PID1: variants seen among roughly 807,000 people sequenced by gnomAD.
PID1 encodes PTB-containing, cubilin and LRP1-interacting protein.
In PID1, 10 loss-of-function variants were observed where a neutral mutation model predicts 19.1. That is an observed-to-expected ratio of 0.52 (90% confidence interval 0.32 to 0.89). The LOEUF is 0.89. Among genes scored for constraint, PID1 ranks in the 40% least tolerant of loss-of-function variants. The pLI is 0.03. For missense variants in PID1, 248 were observed against 285.3 expected, an observed-to-expected ratio of 0.87 and a Z score of 0.94; for synonymous variants, 130 against 116.0, an observed-to-expected ratio of 1.12 and a Z score of -0.78.
At chr2:229,207,030 T>A (rs919440380) in intron 1 of PID1, among the ~76,000 whole-genome samples, 1 of 152,184 alleles carries the variant, frequency 6.6e-6, no homozygotes, top group Non-Finnish European at 1.5e-5. Flanking sequence ...TAAGTTTTGA[T>A]TATGGCTTCG....
intron 1 of PID1, among the ~76,000 whole-genome samples, chr2:229,161,289 T>G (rs148303370): frequency 2.6e-5 from 4 of 152,102 alleles, no homozygotes; most frequent in Admixed American, 6.5e-5. Context: ...AAGACAGAGA[T>G]AGACAGAGAA....
At chr2:229,190,611 G>T (rs1209920442) in intron 1 of PID1, among the ~76,000 whole-genome samples, 1 of 152,250 alleles carries the variant, frequency 6.6e-6, no homozygotes, top group Non-Finnish European at 1.5e-5. Flanking sequence ...GCAGGAGAAA[G>T]ACTGAGAATC....
intron 2 of PID1, among the ~76,000 whole-genome samples, chr2:229,138,043 G>T (rs1689891171): frequency 6.6e-6 from 1 of 152,120 alleles, no homozygotes; most frequent in African/African-American, 2.4e-5. Flanking sequence ...AGAAAACACT[G>T]GACCCTTAGC....
At chr2:229,116,966 C>T (rs746306852) in intron 2 of PID1, among the ~76,000 whole-genome samples, 4 of 152,132 alleles carry the variant, frequency 2.6e-5, no homozygotes, top group Non-Finnish European at 4.4e-5. Context: ...CTTAAGAAGC[C>T]AAACAACTGT....
intron 2 of PID1, among the ~76,000 whole-genome samples, chr2:229,125,583 A>G (rs1166307160): frequency 6.6e-6 from 1 of 152,170 alleles, no homozygotes; most frequent in Non-Finnish European, 1.5e-5. Flanking sequence ...TTCAGATTAC[A>G]GAGTTTACTA....
At chr2:229,140,034 G>A (rs1413947435) in intron 2 of PID1, among the ~76,000 whole-genome samples, 4 of 152,028 alleles carry the variant, frequency 2.6e-5, no homozygotes, top group African/African-American at 9.7e-5. Context: ...ATGCTTTTCT[G>A]CAAAGCCAAG....
At chr2:229,184,234 GTATA>G (rs1420977134) in intron 1 of PID1, among the ~76,000 whole-genome samples, 4 of 256 alleles carry the variant, frequency 0.016, 2 homozygotes, top group Non-Finnish European at 0.037. Flanking sequence ...TATATCCCAT[GTATA>G]TATATCCCAT....
chr2:229,163,686 T>TGC (rs139467763), intron 1 of PID1, among the ~76,000 whole-genome samples: 46,905 of 124,782 alleles, frequency 0.38, 8,083 homozygotes, highest in East Asian at 0.73. Context: ...CGTGTGCGTG[T>TGC]GTGTGTGTGT....
intron 1 of PID1, among the ~76,000 whole-genome samples, chr2:229,255,176 C>T (rs990861504): frequency 2.6e-5 from 4 of 152,198 alleles, no homozygotes; most frequent in African/African-American, 9.7e-5. Context: ...GGAATGCACA[C>T]AGCATCCGTG....
intron 2 of PID1, among the ~76,000 whole-genome samples, chr2:229,145,467 C>CT (rs1293153546): frequency 6.6e-6 from 1 of 151,588 alleles, no homozygotes; most frequent in African/African-American, 2.4e-5. Flanking sequence ...AATAATTAAC[C>CT]TTTTTTCTAG....
intron 1 of PID1, among the ~76,000 whole-genome samples, chr2:229,242,444 G>T (rs200772660): frequency 6.6e-6 from 1 of 151,890 alleles, no homozygotes; most frequent in Non-Finnish European, 1.5e-5. Flanking sequence ...ATGCTGCTTC[G>T]ACTGGTAAAA....
chr2:229,068,456 G>A (rs1269525634), intron 2 of PID1, among the ~76,000 whole-genome samples: 2 of 151,632 alleles, frequency 1.3e-5, no homozygotes, highest in African/African-American at 4.9e-5. Flanking sequence ...AAAAAAAAAG[G>A]ATTTCCTCTG....
At chr2:229,233,983 C>T (rs370241552) in intron 1 of PID1, among the ~76,000 whole-genome samples, 7 of 152,218 alleles carry the variant, frequency 4.6e-5, no homozygotes, top group African/African-American at 1.7e-4. Context: ...AAGGCTAAGA[C>T]GTACAGAAAA....
In PID1 at chr2:229,025,502, C is replaced by G. The variant is rs944309134; in HGVS notation, c.*130G>C. On this transcript the variant is annotated 3_prime_UTR_variant, in exon 3 of 3. Transcript: ENST00000392055. ...TTTCTTTAGATTTAGAATTGCTCTT[C>G]TGAATTTAAAAACCTTGGTCAGCCA... 39 of 701,098 alleles carry G rather than the reference C, an allele frequency of 5.6e-5. No homozygotes were observed. The Middle Eastern group carries it at 3.0e-3, about 54-fold the overall frequency. 43.4% of individuals were successfully genotyped at this position (701,098 alleles called of 1,614,324 possible).
chr2:229,171,968 G>A (rs1365045198), intron 1 of PID1, among the ~76,000 whole-genome samples: 4 of 152,136 alleles, frequency 2.6e-5, no homozygotes, highest in Non-Finnish European at 4.4e-5. Context: ...AAGATTAACA[G>A]TGGCCACACT....
chr2:229,087,711 TTGA>T (rs1019757649), intron 2 of PID1, among the ~76,000 whole-genome samples: 19 of 152,142 alleles, frequency 1.2e-4, no homozygotes, highest in Non-Finnish European at 4.4e-5. Flanking sequence ...TTAAGATCAT[TTGA>T]TGACTACTGT....
At chr2:229,179,447 G>C (rs75526808) in intron 1 of PID1, among the ~76,000 whole-genome samples, 3,465 of 152,200 alleles carry the variant, frequency 0.023, 53 homozygotes, top group Non-Finnish European at 0.035. Flanking sequence ...CTCTTAAAAT[G>C]GAGTGATGAA....
chr2:229,204,661 T>C (rs1333921493), intron 1 of PID1, among the ~76,000 whole-genome samples: 2 of 152,066 alleles, frequency 1.3e-5, no homozygotes, highest in African/African-American at 2.4e-5. Flanking sequence ...TCCTGCTGTA[T>C]ACTGTACAAC....
chr2:229,192,768 G>C lies in PID1; in HGVS notation c.31-36804C>G, dbSNP rs77590287. Among the ~76,000 whole-genome samples, 739 of 152,100 alleles carry C rather than the reference G, an allele frequency of 4.9e-3. 32 individuals carry two copies. In the East Asian group the frequency reaches 0.12, roughly 24 times the overall value. ...TTACTTCAGCACCTGACACAATGGC[G>C]TTCAATAAATGTTTAGTTTTATTGC... is the stretch of plus-strand genomic sequence containing the variant. On this transcript the variant is annotated intron_variant, in intron 1 of 2. Transcript: ENST00000392055.
Sources: allele counts gnomAD v4.1 joint callset (sites outside exome capture counted in the v4.1 genomes callset), GRCh38; gene constraint gnomAD v4.1.1; transcripts MANE v1.5; gene names NCBI Gene and HGNC (gene_info 2026-07-23, HGNC 2026-07-21).